Variants in LAMA3 observed in about 807,000 individuals in gnomAD.
LAMA3 encodes the protein laminin subunit alpha-3.
LAMA3 carries 281 observed loss-of-function variants against 402.0 expected under a neutral mutation model. The ratio of observed to expected loss-of-function variants is 0.70; its 90% CI spans 0.63 to 0.77. The LOEUF is 0.77. Ranked by LOEUF, LAMA3 falls within the 30% of genes least tolerant of loss-of-function variation. The pLI, the probability that LAMA3 is intolerant of heterozygous loss-of-function variation, is 0.00. For synonymous variants in LAMA3, 1,431 were observed against 1,558.4 expected, an observed-to-expected ratio of 0.92 and a Z score of 1.93; for missense variants, 3,840 against 4,215.5, an observed-to-expected ratio of 0.91 and a Z score of 2.47.
rs576871297 is a variant in LAMA3 at position 23,824,364 on chromosome 18, A to T, written c.2429-59A>T. The stretch of plus-strand genomic sequence containing the variant: ...ACTGAATGTTCAAAACTGAATATCT[A>T]AAATCATAACACTGACTGATAGAAA... On this transcript the variant is annotated intron_variant, in intron 20 of 74. Transcript: ENST00000313654. 45 of 1,577,060 alleles carry T rather than the reference A, an allele frequency of 2.9e-5. No homozygotes were observed. The Admixed American group carries it at 6.3e-4, about 22-fold the overall frequency.
chr18:23,946,727 C>A, intron 70 of LAMA3: 1 of 175,658 alleles, frequency 5.7e-6, no homozygotes. Flanking sequence ...AAATGTGCTT[C>A]TATGGGATCT....
chr18:23,837,568 C>CATATATATATAT (rs983234157), intron 25 of LAMA3, among the ~76,000 whole-genome samples: 1 of 21,324 alleles, frequency 4.7e-5, no homozygotes, highest in African/African-American at 2.8e-4. Context: ...TTCAGTTAAT[C>CATATATATATAT]AGATATATAT....
At chr18:23,800,366 G>T (rs2062845046) in intron 12 of LAMA3, among the ~76,000 whole-genome samples, 2 of 152,188 alleles carry the variant, frequency 1.3e-5, no homozygotes, top group Non-Finnish European at 2.9e-5. Flanking sequence ...ATGATAAGGA[G>T]ATGAGAGAGG....
chr18:23,846,221 G>A, intron 30 of LAMA3, 76 bp from the exon 31 acceptor site: 1 of 1,379,870 alleles, frequency 7.2e-7, no homozygotes, highest in East Asian at 2.3e-5. Context: ...GGTGGAGCAG[G>A]TGGTAAAGGC....
chr18:23,833,509 A>G (rs1468331851), intron 23 of LAMA3, among the ~76,000 whole-genome samples: 3 of 152,230 alleles, frequency 2.0e-5, no homozygotes, highest in African/African-American at 7.2e-5. Context: ...ACAAGCAGCA[A>G]AAACACTCCT....
chr18:23,904,267 A>T (rs1230796787), intron 50 of LAMA3, among the ~76,000 whole-genome samples, 180 bp downstream of exon 50: 1 of 152,172 alleles, frequency 6.6e-6, no homozygotes, highest in Non-Finnish European at 1.5e-5. Flanking sequence ...TAAGGGCACT[A>T]ATTCCTGGCC....
chr18:23,790,354 A>G lies in LAMA3; in HGVS notation c.1603+6197A>G, dbSNP rs113855292. Among the ~76,000 whole-genome samples the G allele has an allele frequency of 2.3e-3, 344 of 152,332 alleles. 1 individual carries two copies. The highest frequency in any genetic ancestry group is 7.5e-3 in the African/African-American group (311 of 41,564). On this transcript the variant is annotated intron_variant, in intron 12 of 74. Transcript: ENST00000313654. ...TGCATCATAAGTGTAGAGAAAATAA[A>G]TCTCTTGCAAAGTTCTTGTTCATAG...
At chr18:23,765,101 G>A (rs1055961387) in intron 8 of LAMA3, among the ~76,000 whole-genome samples, 1 of 152,190 alleles carries the variant, frequency 6.6e-6, no homozygotes, top group Non-Finnish European at 1.5e-5. Flanking sequence ...CATAGGGTGA[G>A]TTACATATTT....
chr18:23,713,892 C>CA (rs759823364), intron 1 of LAMA3, 28 bp from the exon 2 acceptor site: 64 of 1,590,954 alleles, frequency 4.0e-5, no homozygotes, highest in East Asian at 6.7e-5. Context: ...AAACAAAAAA[C>CA]AAAAAAAACC....
intron 9 of LAMA3, 127 bp from the exon 10 acceptor site, chr18:23,775,665 G>GTGCCCTTTCGGCT (rs2062300398): frequency 1.9e-6 from 2 of 1,044,090 alleles, no homozygotes; most frequent in African/African-American, 3.1e-5. Context: ...GAAATAGGCT[G>GTGCCCTTTCGGCT]TGCCCTTTCA....
At position 23,915,339 on chromosome 18, in the gene LAMA3, T is replaced by C; in HGVS notation, c.7695T>C (p.Asp2565=). ...CATACAAAGGTTGTATTGAATTAGA[T>C]GACCTCAATGAAAATGTTCTGAGCT... The part of the protein sequence containing the change: ...FPPYKGCIEL[D]DLNENVLSLY... The change falls in exon 59 of 75, where the codon GAT becomes GAC. Residue 2565 remains aspartate, a synonymous_variant. Transcript: ENST00000313654. The C allele has an allele frequency of 1.2e-6, 2 of 1,613,016 alleles. No homozygotes were observed. The highest frequency in any genetic ancestry group is 2.2e-5 in the South Asian group (2 of 91,068).
chr18:23,836,900 G>T (rs2063592499), intron 24 of LAMA3, 81 bp from the exon 25 acceptor site: 3 of 956,736 alleles, frequency 3.1e-6, no homozygotes, highest in Non-Finnish European at 5.1e-6. Context: ...AAACCAAAGA[G>T]CCATCAGCCA....
intron 2 of LAMA3, among the ~76,000 whole-genome samples, chr18:23,738,921 T>G (rs2061519907): frequency 6.6e-6 from 1 of 152,232 alleles, no homozygotes; most frequent in Non-Finnish European, 1.5e-5. Context: ...TATTTTCAGC[T>G]TCTAAAGTTG....
At chr18:23,933,110 T>G (rs1209173074) in intron 66 of LAMA3, among the ~76,000 whole-genome samples, 1 of 152,240 alleles carries the variant, frequency 6.6e-6, no homozygotes, top group Admixed American at 6.5e-5. Flanking sequence ...CATAGTCAGA[T>G]AAATCCTTCC....
At chr18:23,871,386 T>G in intron 37 of LAMA3, 45 bp from the exon 38 acceptor site, 16 of 1,547,202 alleles carry the variant, frequency 1.0e-5, no homozygotes, top group Non-Finnish European at 1.3e-5. Context: ...CCCCTGGAAG[T>G]GAGCCTGCCT....
intron 13 of LAMA3, among the ~76,000 whole-genome samples, chr18:23,812,413 A>G (rs946356733): frequency 2.0e-5 from 3 of 152,330 alleles, no homozygotes; most frequent in Admixed American, 1.3e-4. Context: ...AACAAAGCCA[A>G]TAGGGTTAAG....
At chr18:23,829,428 A>T (rs141857840) in intron 23 of LAMA3, among the ~76,000 whole-genome samples, 122 of 152,314 alleles carry the variant, frequency 8.0e-4, no homozygotes, top group African/African-American at 2.8e-3. Flanking sequence ...CATCTGTTTC[A>T]GCCTGCTAAT....
Position 23,907,612 on chromosome 18 carries a change from G to A in LAMA3, c.6781G>A (p.Val2261Met). The A allele has an allele frequency of 6.2e-7, 1 of 1,614,178 alleles. No individual in the cohort carries two copies. The highest frequency in any genetic ancestry group is 8.5e-7 in the Non-Finnish European group (1 of 1,179,978). Residue 2261 changes from valine to methionine, a missense_variant, in exon 53 of 75, where the codon GTG becomes ATG. Val to Met is a conservative substitution (Grantham distance 21). Around this residue, in one of 3 missense-constraint regions of LAMA3, gnomAD observed 891 missense variants for 857.5 expected, o/e 1.04. Coordinates refer to ENST00000313654, the MANE Select transcript of LAMA3 (RefSeq NM_198129.4). ...GAATATTGTGACAGTTCAGAAAGAAGTGATAGACACCAATCTCACAACTCT... is the reference window on the plus strand; with the variant it reads ...GAATATTGTGACAGTTCAGAAAGAAATGATAGACACCAATCTCACAACTCT... ...TLNIVTVQKEVIDTNLTTLRD... is the reference protein window; with the variant it reads ...TLNIVTVQKEMIDTNLTTLRD...
chr18:23,844,518 C>T (rs1312932697), intron 29 of LAMA3, among the ~76,000 whole-genome samples: 1 of 152,222 alleles, frequency 6.6e-6, no homozygotes, highest in African/African-American at 2.4e-5. Flanking sequence ...TTTTGCTTCT[C>T]TGAGTAGAAG....
Sources: gnomAD v4.1 joint callset for allele counts (sites outside exome capture counted in the v4.1 genomes callset) on GRCh38, gnomAD v4.1.1 for gene constraint, gnomAD v4.1.1 regional missense constraint, MANE v1.5 for transcripts, NCBI Gene and HGNC (gene_info 2026-07-23, HGNC 2026-07-21) for gene names.